PPP2R5C: variants seen among roughly 807,000 people sequenced by gnomAD.
PPP2R5C encodes serine/threonine-protein phosphatase 2A 56 kDa regulatory subunit gamma isoform.
PPP2R5C carries 7 observed loss-of-function variants against 68.9 expected under a neutral mutation model. The ratio of observed to expected loss-of-function variants is 0.10; its 90% CI spans 0.06 to 0.19. The LOEUF is 0.19. PPP2R5C is among the 10% of genes least tolerant of loss of function. PPP2R5C has a pLI of 1.00. For synonymous variants in PPP2R5C, 210 were observed against 222.2 expected, an observed-to-expected ratio of 0.95 and a Z score of 0.49; for missense variants, 348 against 641.3, an observed-to-expected ratio of 0.54 and a Z score of 4.94.
chr14:101,924,635 G>T, intron 13 of PPP2R5C, among the ~76,000 whole-genome samples: 1 of 151,542 alleles, frequency 6.6e-6, no homozygotes, highest in Non-Finnish European at 1.5e-5. Context: ...TAGAGACGGG[G>T]TTTCACTATG....
At chr14:101,925,494 G>A (rs758049485) in exon 14 of PPP2R5C, 16 of 677,314 alleles carry the variant, frequency 2.4e-5, no homozygotes, top group Middle Eastern at 8.9e-4. Flanking sequence ...CGGTGTCCTC[G>A]CAGTGTCGCC....
chr14:101,821,448 G>GTGTGT (rs1555386180), intron 1 of PPP2R5C, among the ~76,000 whole-genome samples: 1,402 of 58,852 alleles, frequency 0.024, 27 homozygotes, highest in African/African-American at 0.06. Context: ...GGGGTGGGTG[G>GTGTGT]GTGGGTGTGT....
chr14:101,895,047 T>C (rs1470692060), intron 8 of PPP2R5C, among the ~76,000 whole-genome samples: 6 of 152,250 alleles, frequency 3.9e-5, no homozygotes, highest in Admixed American at 2.6e-4. Flanking sequence ...AGATTACTGC[T>C]GTTCTGTGCG....
At chr14:101,762,571 A>G (rs1441457089) in intron 1 of PPP2R5C, among the ~76,000 whole-genome samples, 1 of 151,920 alleles carries the variant, frequency 6.6e-6, no homozygotes, top group African/African-American at 2.4e-5. Context: ...CACCCCAGAA[A>G]TCCTCACTCA....
chr14:101,795,313 C>T (rs927214564), intron 3 of PPP2R5C, among the ~76,000 whole-genome samples: 2 of 152,144 alleles, frequency 1.3e-5, no homozygotes, highest in South Asian at 4.1e-4. Flanking sequence ...GATGCCTGTC[C>T]ATCATACCTC....
chr14:101,792,050 T>C (rs1191826321), intron 3 of PPP2R5C, among the ~76,000 whole-genome samples: 2 of 152,234 alleles, frequency 1.3e-5, no homozygotes, highest in Non-Finnish European at 2.9e-5. Context: ...ACTGGTTTGT[T>C]AAATCAACCG....
rs2045527675 is a variant in PPP2R5C, at chr14:101,899,065, ATGTGT to A, written c.853-2651_853-2647del. ...CTTAGAAGACTGAGATATGAAGGAC[ATGTGT>A]TGCCCCATTTGTAGCCTGTAATTAG... On this transcript the variant is annotated intron_variant, in intron 8 of 13. Transcript: ENST00000334743. The surrounding 1 kb of genome is among the most constrained non-coding windows in gnomAD (Gnocchi z 4.2). Among the ~76,000 whole-genome samples the A allele has an allele frequency of 6.6e-6, 1 of 152,240 alleles. No homozygotes were observed. Among genetic ancestry groups the A allele is most frequent in the Non-Finnish European group, 1.5e-5 (1 of 68,048 alleles).
chr14:101,865,031 C>T lies in PPP2R5C; in HGVS notation c.294+8146C>T, dbSNP rs115663104. ...ATGTTAAGAAGGTAGAAACACGATT[C>T]GGGGTGGATTTGTTTGAGATTCCTG... On this transcript the variant is annotated intron_variant, in intron 2 of 13. Transcript: ENST00000334743. Among the ~76,000 whole-genome samples, 1,212 of 152,138 alleles carry T rather than the reference C, an allele frequency of 8.0e-3. 16 individuals carry two copies. The highest frequency in any genetic ancestry group is 0.027 in the African/African-American group (1,135 of 41,520).
At chr14:101,863,687 G>A (rs899395332) in intron 2 of PPP2R5C, among the ~76,000 whole-genome samples, 12 of 151,902 alleles carry the variant, frequency 7.9e-5, no homozygotes, top group Admixed American at 2.0e-4. Context: ...ATGTGAGGTT[G>A]GGAGTTCTAA....
chr14:101,867,870 A>G (rs531620198), intron 2 of PPP2R5C, among the ~76,000 whole-genome samples: 2 of 152,348 alleles, frequency 1.3e-5, no homozygotes, highest in East Asian at 1.9e-4. Context: ...GTTGGTTTCC[A>G]GGGAAAACTA....
chr14:101,818,895 A>G (rs1226395546), intron 1 of PPP2R5C: 3 of 958,660 alleles, frequency 3.1e-6, no homozygotes, highest in Non-Finnish European at 3.2e-6. Flanking sequence ...TATAATACAC[A>G]TGGATTTTTG....
At chr14:101,875,527 C>T (rs1413056103) in intron 2 of PPP2R5C, among the ~76,000 whole-genome samples, 1 of 152,108 alleles carries the variant, frequency 6.6e-6, no homozygotes, top group Non-Finnish European at 1.5e-5. Context: ...GTGCTTTTCC[C>T]AGGATCCATT....
At chr14:101,785,170 A>G (rs374637939) in intron 2 of PPP2R5C, among the ~76,000 whole-genome samples, 1 of 152,160 alleles carries the variant, frequency 6.6e-6, no homozygotes, top group African/African-American at 2.4e-5. Context: ...CTGGGGCTCA[A>G]GGGGAGGCAC....
Position 101,917,758 on chromosome 14 carries a change from C to G in PPP2R5C, c.1327-73C>G. 1 of 1,599,578 alleles carries G rather than the reference C, an allele frequency of 6.3e-7. No homozygotes were observed. Among genetic ancestry groups the G allele is most frequent in the Non-Finnish European group, 8.5e-7 (1 of 1,172,048 alleles). ...TGGGGGGCGGCAGGGGAGATGAGTC[C>G]CTAGCCAGGATGAGAAGCTTGGAGT... On this transcript the variant is annotated intron_variant, in intron 12 of 13. Transcript: ENST00000334743. The surrounding 1 kb of genome is among the most constrained non-coding windows in gnomAD (Gnocchi z 4.4).
chr14:101,805,450 T>C (rs1405658088), upstream of PPP2R5C, among the ~76,000 whole-genome samples: 4 of 152,192 alleles, frequency 2.6e-5, no homozygotes, highest in Non-Finnish European at 5.9e-5. Context: ...ATTACACATA[T>C]ACCTTGAAAC....
rs552096840 is a variant in PPP2R5C, at chr14:101,877,407, G to T, written c.295-4754G>T. The stretch of plus-strand genomic sequence containing the variant: ...TCTGCGTCTGTGCCTCTGGGTGTGC[G>T]CTGGATCCGTAGGTCTCATTTGAGA... On this transcript the variant is annotated intron_variant, in intron 2 of 13. Coordinates refer to ENST00000334743, the Ensembl canonical transcript of PPP2R5C. The surrounding 1 kb of genome is among the most constrained non-coding windows in gnomAD (Gnocchi z 4.2). 6.6e-6 allele frequency among the ~76,000 whole-genome samples: 1 copy of T among 152,120 alleles called. No individual in the cohort carries two copies. Among genetic ancestry groups the T allele is most frequent in the African/African-American group, 2.4e-5 (1 of 41,412 alleles).
rs1270201490 is a variant in PPP2R5C, at chr14:101,915,845, G to A, written c.1327-1986G>A. ...ATACCTGGGGGAGTGTGCTGGAGAT[G>A]GCAGGACCAGCTTATTCGTTCCCAT... On this transcript the variant is annotated intron_variant, in intron 12 of 13. Coordinates refer to ENST00000334743, the Ensembl canonical transcript of PPP2R5C. This position sits in a 1 kb window ranked among gnomAD's most constrained non-coding sequence, Gnocchi z 4.2. 6.6e-6 allele frequency among the ~76,000 whole-genome samples: 1 copy of A among 152,204 alleles called. No individual in the cohort carries two copies. Among genetic ancestry groups the A allele is most frequent in the Non-Finnish European group, 1.5e-5 (1 of 68,038 alleles).
chr14:101,819,021 T>C lies in PPP2R5C; in HGVS notation c.94+8985T>C, dbSNP rs1184557215. 23 of 1,551,356 alleles carry C rather than the reference T, an allele frequency of 1.5e-5. No homozygotes were observed. The highest frequency in any genetic ancestry group is 1.9e-5 in the Non-Finnish European group (22 of 1,146,818). Reference sequence around the variant, plus strand: ...CAAGTCCTGAAGAACCCTCAAGCCCTAAAGTACCACCTCCACTTCTTCCTG... The same window carrying C: ...CAAGTCCTGAAGAACCCTCAAGCCCCAAAGTACCACCTCCACTTCTTCCTG... On this transcript the variant is annotated intron_variant, in intron 1 of 13. Transcript: ENST00000334743.
At chr14:101,859,080 C>T (rs1050974819) in intron 2 of PPP2R5C, among the ~76,000 whole-genome samples, 2 of 152,224 alleles carry the variant, frequency 1.3e-5, no homozygotes, top group African/African-American at 2.4e-5. Flanking sequence ...TTGCCAGCCC[C>T]TGGGCTCCCT....
Sources: gnomAD v4.1 joint callset for allele counts (sites outside exome capture counted in the v4.1 genomes callset) on GRCh38, gnomAD v4.1.1 for gene constraint, Gnocchi (gnomAD v3.1) non-coding constraint, MANE v1.5 for transcripts, NCBI Gene and HGNC (gene_info 2026-07-23, HGNC 2026-07-21) for gene names.